ZHX2: variants seen among roughly 807,000 people sequenced by gnomAD.
ZHX2 encodes the protein zinc fingers and homeoboxes 2.
A neutral mutation model predicts 21.9 loss-of-function variants in ZHX2; 6 were observed. The ratio of observed to expected loss-of-function variants is 0.27; its 90% CI spans 0.15 to 0.54. The LOEUF (loss-of-function observed/expected upper bound fraction) is 0.54, where lower values mean the gene tolerates loss of function less well. ZHX2 is among the 20% of genes least tolerant of loss of function. The probability of loss-of-function intolerance (pLI) is 0.95; values close to 1 mark genes in which losing one functional copy is unlikely to be tolerated. For synonymous variants in ZHX2, 434 were observed against 437.1 expected (o/e 0.99, Z 0.09); for missense variants, 908 against 1,090.7 (o/e 0.83, Z 2.36).
chr8:122,922,734 A>G (rs765317431), intron 2 of ZHX2, among the ~76,000 whole-genome samples: 7 of 152,178 alleles, frequency 4.6e-5, no homozygotes, highest in Non-Finnish European at 8.8e-5. Flanking sequence ...TGCATTGGCT[A>G]TGGTACTTGG....
At chr8:122,922,596 T>C (rs16897682) in intron 2 of ZHX2, among the ~76,000 whole-genome samples, 3,415 of 152,280 alleles carry the variant, frequency 0.022, 116 homozygotes, top group African/African-American at 0.078. Flanking sequence ...TAGGCTCCAC[T>C]TTGTTTTAGG....
In ZHX2 at chr8:122,904,608, C is replaced by G. The variant is rs373604896; in HGVS notation, c.-220+41069C>G. Among the ~76,000 whole-genome samples, 75 of 152,266 alleles carry G rather than the reference C, an allele frequency of 4.9e-4. No homozygotes were observed. In the South Asian group the frequency reaches 8.1e-3, roughly 16 times the overall value. On this transcript the variant is annotated intron_variant, in intron 2 of 3. Transcript: ENST00000314393. Reference sequence around the variant, plus strand: ...CTGCACAGTAATGAGAAGGCTCCCCCTCAAGTGTCAAGGCCAAATGGAGAA... The same window carrying G: ...CTGCACAGTAATGAGAAGGCTCCCCGTCAAGTGTCAAGGCCAAATGGAGAA...
At chr8:122,929,611 C>G (rs1304930841) in intron 2 of ZHX2, among the ~76,000 whole-genome samples, 1 of 151,206 alleles carries the variant, frequency 6.6e-6, no homozygotes, top group African/African-American at 2.4e-5. Context: ...CAACTGTGCT[C>G]CAGCCTGGGT....
intron 2 of ZHX2, among the ~76,000 whole-genome samples, chr8:122,929,249 G>A (rs1414626722): frequency 1.3e-5 from 2 of 152,268 alleles, no homozygotes; most frequent in East Asian, 3.9e-4. Context: ...TCCTTGATCA[G>A]ACTTGCTCAT....
At chr8:122,920,240 C>T (rs530590194) in intron 2 of ZHX2, among the ~76,000 whole-genome samples, 2 of 152,188 alleles carry the variant, frequency 1.3e-5, no homozygotes, top group African/African-American at 4.8e-5. Context: ...TGCCGTTGCA[C>T]TCCAGCCTGA....
chr8:122,848,527 G>C lies in ZHX2; in HGVS notation c.-282-14950G>C, dbSNP rs1349078782. On this transcript the variant is annotated intron_variant, in intron 1 of 3. Transcript: ENST00000314393. ...GATTAACTGACCACCCCTCATTAAG[G>C]GTTCTGAGAAGTCGGTTTTGTGTGG... Among the ~76,000 whole-genome samples, 8 of 152,222 alleles carry C rather than the reference G, an allele frequency of 5.3e-5. No individual in the cohort carries two copies. The East Asian group carries it at 9.6e-4, about 18-fold the overall frequency.
chr8:122,928,924 A>AT (rs1252880905), intron 2 of ZHX2, among the ~76,000 whole-genome samples: 5 of 152,188 alleles, frequency 3.3e-5, no homozygotes, highest in African/African-American at 1.2e-4. Context: ...AGGACATCCT[A>AT]TTATTTTTAC....
intron 2 of ZHX2, among the ~76,000 whole-genome samples, chr8:122,902,588 G>A (rs1457474670): frequency 6.6e-6 from 1 of 152,178 alleles, no homozygotes; most frequent in Non-Finnish European, 1.5e-5. Context: ...CTTGAGTCAG[G>A]AGACTTGGGT....
At chr8:122,898,017 A>G (rs1489409972) in intron 2 of ZHX2, among the ~76,000 whole-genome samples, 1 of 152,254 alleles carries the variant, frequency 6.6e-6, no homozygotes, top group African/African-American at 2.4e-5. Context: ...CAGGACATTA[A>G]AATGGAAATC....
At chr8:122,804,763 A>G (rs1048100400) in intron 1 of ZHX2, among the ~76,000 whole-genome samples, 1 of 152,098 alleles carries the variant, frequency 6.6e-6, no homozygotes, top group Admixed American at 6.5e-5. Flanking sequence ...CTGGGAGGTC[A>G]CCTAACTCCC....
intron 2 of ZHX2, among the ~76,000 whole-genome samples, chr8:122,948,955 T>A (rs1001430432): frequency 1.3e-5 from 2 of 152,072 alleles, no homozygotes; most frequent in African/African-American, 4.8e-5. Flanking sequence ...GAGAAAAAAA[T>A]TGGTAAATCT....
chr8:122,955,082 G>GGGGGGGGGGGGGGGGT (rs1813263839), intron 3 of ZHX2, among the ~76,000 whole-genome samples: 2 of 126,076 alleles, frequency 1.6e-5, no homozygotes, highest in Admixed American at 7.8e-5. Context: ...GGGGGGGGGG[G>GGGGGGGGGGGGGGGGT]TGGCAGGGCG....
At chr8:122,814,941 A>G (rs1381367844) in intron 1 of ZHX2, among the ~76,000 whole-genome samples, 2 of 152,186 alleles carry the variant, frequency 1.3e-5, no homozygotes, top group Non-Finnish European at 2.9e-5. Context: ...AAAGTAAGAC[A>G]GGTGTGGAGC....
At chr8:122,848,894 G>A (rs759761704) in intron 1 of ZHX2, among the ~76,000 whole-genome samples, 7 of 152,192 alleles carry the variant, frequency 4.6e-5, no homozygotes, top group African/African-American at 7.2e-5. Context: ...AGGCTGTTTC[G>A]GAATCCAGAC....
Position 122,973,575 on chromosome 8 carries a change from A to C in ZHX2, c.*338A>C, listed in dbSNP as rs981068982. 2 of 152,606 alleles carry C rather than the reference A, an allele frequency of 1.3e-5. No individual in the cohort carries two copies. Among genetic ancestry groups the C allele is most frequent in the African/African-American group, 4.8e-5 (2 of 41,456 alleles). 9.5% of individuals were successfully genotyped at this position (152,606 alleles called of 1,614,324 possible). The stretch of plus-strand genomic sequence containing the variant: ...TTTGTTACCTTTTTAATCAAGGGCA[A>C]CTTCCTTTTCCAGCACTACCATTGT... On this transcript the variant is annotated 3_prime_UTR_variant, in exon 4 of 4. Coordinates refer to ENST00000314393, the MANE Select transcript of ZHX2 (RefSeq NM_014943.5).
intron 1 of ZHX2, chr8:122,810,666 G>A (rs1016589775): frequency 6.6e-6 from 1 of 152,144 alleles, no homozygotes. Context: ...TAGCAGAATG[G>A]TGTCCAGCCA....
At chr8:122,917,437 C>A (rs1313086167) in intron 2 of ZHX2, among the ~76,000 whole-genome samples, 1 of 152,142 alleles carries the variant, frequency 6.6e-6, no homozygotes, top group Non-Finnish European at 1.5e-5. Flanking sequence ...CCATGAGAAT[C>A]CCTCTCCCCA....
At chr8:122,878,383 C>T (rs1443339988) in intron 2 of ZHX2, among the ~76,000 whole-genome samples, 1 of 152,182 alleles carries the variant, frequency 6.6e-6, no homozygotes, top group Non-Finnish European at 1.5e-5. Context: ...ATACCTAGGT[C>T]AGTGAGGGGG....
At chr8:122,965,460 A>C (rs1049986840) in intron 3 of ZHX2, among the ~76,000 whole-genome samples, 44 of 152,074 alleles carry the variant, frequency 2.9e-4, no homozygotes, top group African/African-American at 9.7e-4. Context: ...TATAATTTTG[A>C]CTGTTCCTTT....
Sources: gnomAD v4.1 joint callset for allele counts (sites outside exome capture counted in the v4.1 genomes callset) on GRCh38, gnomAD v4.1.1 for gene constraint, MANE v1.5 for transcripts, NCBI Gene and HGNC (gene_info 2026-07-23, HGNC 2026-07-21) for gene names.